JPH2: variants seen among roughly 807,000 people sequenced by gnomAD.
JPH2 encodes the protein junctophilin-2.
A neutral mutation model predicts 55.9 loss-of-function variants in JPH2; 38 were observed. The ratio of observed to expected loss-of-function variants is 0.68; its 90% CI spans 0.52 to 0.89. The LOEUF is 0.89. Among genes scored for constraint, JPH2 ranks in the 40% least tolerant of loss-of-function variants. The pLI is 0.00. For missense variants in JPH2, 964 were observed against 1,037.6 expected (o/e 0.93, Z 0.97); for synonymous variants, 480 against 472.4 (o/e 1.02, Z -0.21).
At chr20:44,143,517 G>A (rs1348165421) in intron 2 of JPH2, among the ~76,000 whole-genome samples, 3 of 152,278 alleles carry the variant, frequency 2.0e-5, no homozygotes, top group East Asian at 1.9e-4. Context: ...TCCTTCAGAC[G>A]GACAATGCTG....
chr20:44,138,744 TTTC>T (rs1445371357), intron 2 of JPH2, among the ~76,000 whole-genome samples: 2 of 152,168 alleles, frequency 1.3e-5, no homozygotes, highest in African/African-American at 2.4e-5. Flanking sequence ...CTGTATTCTT[TTTC>T]TTCTTCTTTT....
At chr20:44,141,548 G>A (rs1402788884) in intron 2 of JPH2, among the ~76,000 whole-genome samples, 1 of 151,890 alleles carries the variant, frequency 6.6e-6, no homozygotes, top group Non-Finnish European at 1.5e-5. Context: ...TTGCTCTGTT[G>A]CCCAGGCTAG....
intron 2 of JPH2, among the ~76,000 whole-genome samples, chr20:44,123,611 G>A (rs886203625): frequency 1.3e-5 from 2 of 152,178 alleles, no homozygotes; most frequent in African/African-American, 2.4e-5. Context: ...AAGGGCAGGC[G>A]GAATGACTGT....
intron 2 of JPH2, among the ~76,000 whole-genome samples, chr20:44,132,505 CA>C (rs1303537648): frequency 6.6e-6 from 1 of 151,342 alleles, no homozygotes; most frequent in Non-Finnish European, 1.5e-5. Flanking sequence ...CAGCCTGCAT[CA>C]CTAGCTCCCT....
chr20:44,151,429 A>G (rs1276596135), intron 2 of JPH2, among the ~76,000 whole-genome samples: 1 of 152,158 alleles, frequency 6.6e-6, no homozygotes, highest in African/African-American at 2.4e-5. Flanking sequence ...AGGCAGGAGA[A>G]TCGCTTGAAC....
In JPH2 at chr20:44,108,149, G is replaced by A. The variant is rs1328021951; in HGVS notation, c.*5369C>T. ...CCCAATAAAAACTCTGGACACTGAA[G>A]CACTGGTTAGCTTCCCTGGTTGGCC... On this transcript the variant is annotated 3_prime_UTR_variant, in exon 6 of 6. Coordinates refer to ENST00000372980, the MANE Select transcript of JPH2 (RefSeq NM_020433.5). Among the ~76,000 whole-genome samples, 1 of 152,136 alleles carries A rather than the reference G, an allele frequency of 6.6e-6. No homozygotes were observed. The highest frequency in any genetic ancestry group is 2.4e-5 in the African/African-American group (1 of 41,412).
At chr20:44,132,318 C>T in intron 2 of JPH2, among the ~76,000 whole-genome samples, 1 of 149,646 alleles carries the variant, frequency 6.7e-6, no homozygotes, top group African/African-American at 2.5e-5. Flanking sequence ...ATACAGGTTG[C>T]CCACTGTGAA....
chr20:44,121,506 G>A (rs1026292354), intron 2 of JPH2, among the ~76,000 whole-genome samples: 7 of 152,144 alleles, frequency 4.6e-5, no homozygotes, highest in Non-Finnish European at 1.0e-4. Context: ...CTACTTCACA[G>A]GTGGGGAAAC....
At chr20:44,176,885 G>A (rs2072738198) in intron 1 of JPH2, 1 of 985,230 alleles carries the variant, frequency 1.0e-6, no homozygotes, top group African/African-American at 1.7e-5. Context: ...CATCCAGAGT[G>A]TCCCCTGCAG....
chr20:44,129,384 G>T (rs149641956), intron 2 of JPH2, among the ~76,000 whole-genome samples: 1 of 152,052 alleles, frequency 6.6e-6, no homozygotes, highest in East Asian at 1.9e-4. Flanking sequence ...GTGAAACTTC[G>T]TCTCTACTAA....
Position 44,142,544 on chromosome 20 carries a change from A to G in JPH2, c.1169+17074T>C, listed in dbSNP as rs897936428. Among the ~76,000 whole-genome samples, 3 of 152,058 alleles carry G rather than the reference A, an allele frequency of 2.0e-5. No individual in the cohort carries two copies. In the East Asian group the frequency reaches 5.8e-4, roughly 29 times the overall value. ...TCCCTCTCCCGGGCAGCTCCCCCTG[A>G]CGCAGCCCCCTGGCCAGCTCTTTCA... On this transcript the variant is annotated intron_variant, in intron 2 of 5. Transcript: ENST00000372980.
intron 1 of JPH2, among the ~76,000 whole-genome samples, chr20:44,185,393 A>G (rs2072826317): frequency 6.6e-6 from 1 of 152,006 alleles, no homozygotes; most frequent in Non-Finnish European, 1.5e-5. Context: ...GGAGGCCGAG[A>G]CAGGCAGATT....
At chr20:44,163,535 T>G (rs1167673512) in intron 1 of JPH2, among the ~76,000 whole-genome samples, 2 of 152,092 alleles carry the variant, frequency 1.3e-5, no homozygotes, top group African/African-American at 4.8e-5. Context: ...GAACCCCCAT[T>G]AAGGATCATG....
intron 2 of JPH2, among the ~76,000 whole-genome samples, chr20:44,129,943 A>G (rs1365420079): frequency 2.0e-5 from 3 of 152,112 alleles, no homozygotes; most frequent in Non-Finnish European, 4.4e-5. Flanking sequence ...GACAAGCACA[A>G]AGATCCTCCC....
At position 44,159,607 on chromosome 20, in the gene JPH2, C is replaced by T. The variant is rs370186378; in HGVS notation, c.1169+11G>A. The stretch of plus-strand genomic sequence containing the variant: ...GGAGGCGACCCCTTCCCACCCCCAC[C>T]GCTGTCCTACCTGGAGGCGGCAATC... On this transcript the variant is annotated intron_variant, in intron 2 of 5. Coordinates refer to ENST00000372980, the MANE Select transcript of JPH2 (RefSeq NM_020433.5). The surrounding 1 kb of genome is among the most constrained non-coding windows in gnomAD (Gnocchi z 5.7). 15 of 1,596,894 alleles carry T rather than the reference C, an allele frequency of 9.4e-6. No individual in the cohort carries two copies. Among genetic ancestry groups the T allele is most frequent in the East Asian group, 6.7e-5 (3 of 44,540 alleles).
chr20:44,121,338 T>C (rs944554965), intron 2 of JPH2, among the ~76,000 whole-genome samples: 10 of 152,150 alleles, frequency 6.6e-5, no homozygotes, highest in African/African-American at 2.4e-4. Context: ...GTTAATTCCC[T>C]GGGGAGCTGA....
chr20:44,116,054 C>T lies in JPH2; in HGVS notation c.1621G>A (p.Glu541Lys). The change falls in exon 4 of 6, where the codon GAG becomes AAG. Residue 541 changes from glutamate (E) to lysine (K), a missense_variant. Transcript: ENST00000372980. ...TGCAGAGCCTCGATGGCCATGCGCTCGGTGGCTGGACGCGCGGGGCTGCGG... is the reference window on the plus strand; with the variant it reads ...TGCAGAGCCTCGATGGCCATGCGCTTGGTGGCTGGACGCGCGGGGCTGCGG... ...GRRSPARPAT[E>K]RMAIEALQAP... 2 of 1,561,866 alleles carry T rather than the reference C, an allele frequency of 1.3e-6. No homozygotes were observed. The highest frequency in any genetic ancestry group is 1.7e-6 in the Non-Finnish European group (2 of 1,163,386).
rs1016509554 is a variant in JPH2, at chr20:44,177,431, C to G, written c.379+8896G>C. ...AGCCTGGCCTCGGACAGGGGCACGT[C>G]TGCAGAGATTTGGCCAATCGGGCAC... On this transcript the variant is annotated intron_variant, in intron 1 of 5. Coordinates refer to ENST00000372980, the MANE Select transcript of JPH2 (RefSeq NM_020433.5). 7 of 990,736 alleles carry G rather than the reference C, an allele frequency of 7.1e-6. No individual in the cohort carries two copies. In the South Asian group the frequency reaches 2.3e-4, roughly 32 times the overall value. The allele number at this position is 990,736 out of a possible 1,614,324, so 61.4% of individuals were successfully genotyped here. A position where few individuals can be genotyped will look rare whatever the true frequency, so the allele number is the denominator to read the frequency against.
At position 44,115,645 on chromosome 20, in the gene JPH2, A is replaced by C. The variant is rs775180905; in HGVS notation, c.2010+20T>G. ...CTCTAGGGAACCCGACCTTAGGCAC[A>C]CCTTGCCCGACAGCCTCACCTCTTC... On this transcript the variant is annotated intron_variant, in intron 4 of 5. Coordinates refer to ENST00000372980, the MANE Select transcript of JPH2 (RefSeq NM_020433.5). 8 of 1,611,500 alleles carry C rather than the reference A, an allele frequency of 5.0e-6. No individual in the cohort carries two copies. The highest frequency in any genetic ancestry group is 6.8e-6 in the Non-Finnish European group (8 of 1,179,810).
Sources: allele counts gnomAD v4.1 joint callset (sites outside exome capture counted in the v4.1 genomes callset), GRCh38; gene constraint gnomAD v4.1.1; non-coding constraint Gnocchi (gnomAD v3.1); transcripts MANE v1.5; gene names NCBI Gene and HGNC (gene_info 2026-07-23, HGNC 2026-07-21).